SYN3: variants seen among roughly 807,000 people sequenced by gnomAD.
The protein encoded by SYN3 is synapsin III, also known as synapsin-3.
A neutral mutation model predicts 65.8 loss-of-function variants in SYN3; 35 were observed. That is an observed-to-expected ratio of 0.53 (90% confidence interval 0.41 to 0.70). The LOEUF is 0.70. Among genes scored for constraint, SYN3 ranks in the 30% least tolerant of loss-of-function variants. The pLI is 0.00. For synonymous variants in SYN3, 270 were observed against 292.9 expected, an observed-to-expected ratio of 0.92 and a Z score of 0.80; for missense variants, 680 against 749.0, an observed-to-expected ratio of 0.91 and a Z score of 1.08.
chr22:33,029,605 G>T (rs1416399511), intron 1 of SYN3, among the ~76,000 whole-genome samples: 2 of 152,184 alleles, frequency 1.3e-5, no homozygotes, highest in Non-Finnish European at 2.9e-5. Context: ...AGGTAGGTGT[G>T]CTGGTATTAC....
rs1012679320 is a variant in SYN3 at position 32,542,078 on chromosome 22, G to A, written c.775-365C>T. 2.6e-5 allele frequency among the ~76,000 whole-genome samples: 4 copies of A among 152,318 alleles called. 1 individual carries two copies. The highest frequency in any genetic ancestry group is 4.1e-4 in the South Asian group (2 of 4,832). ...GCACAGACTCGCTGATGGGGGATGC[G>A]GCACGGGCCATGGGGGAACAGACTG... On this transcript the variant is annotated intron_variant, in intron 7 of 13. Coordinates refer to ENST00000358763, the MANE Select transcript of SYN3 (RefSeq NM_003490.4).
intron 2 of SYN3, among the ~76,000 whole-genome samples, chr22:32,981,666 T>A (rs1167642362): frequency 6.6e-6 from 1 of 152,042 alleles, no homozygotes; most frequent in Non-Finnish European, 1.5e-5. Flanking sequence ...AGAAAAAGGA[T>A]CCCACATAAA....
chr22:32,807,372 A>T (rs1375889482), intron 6 of SYN3, among the ~76,000 whole-genome samples: 1 of 111,720 alleles, frequency 9.0e-6, no homozygotes, highest in African/African-American at 3.8e-5. Flanking sequence ...AATATATATT[A>T]TATATAATAT....
chr22:32,869,244 T>A, intron 4 of SYN3, 119 bp from the exon 5 acceptor site: 1 of 1,025,038 alleles, frequency 9.8e-7, no homozygotes, highest in Non-Finnish European at 1.4e-6. Flanking sequence ...AGTTCAGAAG[T>A]GGGAGCAGGT....
At chr22:32,751,471 G>A (rs1490987804) in intron 6 of SYN3, among the ~76,000 whole-genome samples, 1 of 152,196 alleles carries the variant, frequency 6.6e-6, no homozygotes, top group Non-Finnish European at 1.5e-5. Flanking sequence ...GGTGCGGGTG[G>A]TCATGGGAGA....
At chr22:32,628,930 TGTTGG>T (rs1239849581) in intron 6 of SYN3, among the ~76,000 whole-genome samples, 1 of 152,152 alleles carries the variant, frequency 6.6e-6, no homozygotes, top group Admixed American at 6.5e-5. Context: ...CCAGGTGCCC[TGTTGG>T]GCTCTTTAGG....
intron 6 of SYN3, among the ~76,000 whole-genome samples, chr22:32,835,508 GTTTTT>G (rs2047705446): frequency 6.6e-6 from 1 of 152,078 alleles, no homozygotes; most frequent in Non-Finnish European, 1.5e-5. Context: ...GTGAGGAAGT[GTTTTT>G]TGATTTTAAA....
At chr22:32,994,925 A>G (rs116555170) in intron 2 of SYN3, among the ~76,000 whole-genome samples, 206 of 152,250 alleles carry the variant, frequency 1.4e-3, no homozygotes, top group African/African-American at 4.8e-3. Flanking sequence ...AGCTCCACCC[A>G]TGTCATTATC....
At chr22:32,656,034 T>C (rs1157809165) in intron 6 of SYN3, among the ~76,000 whole-genome samples, 1 of 152,196 alleles carries the variant, frequency 6.6e-6, no homozygotes, top group Non-Finnish European at 1.5e-5. Context: ...AGGATTATTG[T>C]GAAAATGAGA....
intron 4 of SYN3, among the ~76,000 whole-genome samples, chr22:32,904,165 C>T (rs2049838962): frequency 6.6e-6 from 1 of 152,206 alleles, no homozygotes; most frequent in African/African-American, 2.4e-5. Flanking sequence ...AGCTTGTTTC[C>T]TTTTCCACCT....
intron 1 of SYN3, among the ~76,000 whole-genome samples, chr22:33,036,678 C>CTTTTTTT (rs133977): frequency 7.0e-5 from 7 of 99,538 alleles, no homozygotes; most frequent in African/African-American, 2.3e-4. Context: ...AGCCCAAGTT[C>CTTTTTTT]TTTTTTTTTT....
chr22:32,971,548 T>C (rs2052020081), intron 3 of SYN3, among the ~76,000 whole-genome samples: 1 of 151,926 alleles, frequency 6.6e-6, no homozygotes, highest in African/African-American at 2.4e-5. Flanking sequence ...AATAGGAAGA[T>C]CAAATTATGG....
chr22:32,518,207 T>G lies in SYN3; in HGVS notation c.1446A>C (p.Pro482=). 1 of 1,613,982 alleles carries G rather than the reference T, an allele frequency of 6.2e-7. No individual in the cohort carries two copies. The highest frequency in any genetic ancestry group is 1.3e-5 in the African/African-American group (1 of 75,018). Residue 482 remains proline (P), a synonymous_variant, in exon 13 of 14, where the codon CCA becomes CCC. Transcript: ENST00000358763. ...ATGCCCGGGATAGCTGCGGAGAGCC[T>G]GGTGACCTTTGCTGCTGTGGAGATC... ...QSGSPQQQRS[P]GSPQLSRASS...
chr22:32,770,706 G>A (rs887775945), intron 6 of SYN3, among the ~76,000 whole-genome samples: 4 of 152,060 alleles, frequency 2.6e-5, no homozygotes, highest in Non-Finnish European at 5.9e-5. Flanking sequence ...ATTAATAGGT[G>A]TAAGGCCCTG....
chr22:32,772,625 C>T (rs910100425), intron 6 of SYN3, among the ~76,000 whole-genome samples: 7 of 152,178 alleles, frequency 4.6e-5, no homozygotes, highest in Admixed American at 2.6e-4. Context: ...AGGAGATTAT[C>T]CAGAATCATC....
intron 6 of SYN3, among the ~76,000 whole-genome samples, chr22:32,777,858 T>C (rs891974571): frequency 1.3e-5 from 2 of 152,212 alleles, no homozygotes; most frequent in African/African-American, 4.8e-5. Context: ...ATCCATGAAT[T>C]CATGGATTTA....
At chr22:33,050,130 T>A (rs1217891074) in intron 1 of SYN3, among the ~76,000 whole-genome samples, 3 of 151,970 alleles carry the variant, frequency 2.0e-5, no homozygotes, top group African/African-American at 7.2e-5. Context: ...TGTCAACTCA[T>A]CAAGTGACAT....
At chr22:32,985,881 G>C (rs2052510942) in intron 2 of SYN3, among the ~76,000 whole-genome samples, 1 of 152,000 alleles carries the variant, frequency 6.6e-6, no homozygotes, top group Non-Finnish European at 1.5e-5. Flanking sequence ...TCCTATGAGT[G>C]ATATCTACTC....
intron 1 of SYN3, among the ~76,000 whole-genome samples, chr22:33,042,263 G>A (rs1207554140): frequency 6.6e-6 from 1 of 152,134 alleles, no homozygotes; most frequent in Non-Finnish European, 1.5e-5. Flanking sequence ...AGCCCAAACT[G>A]ACTAAGAGCC....
Sources: allele counts gnomAD v4.1 joint callset (sites outside exome capture counted in the v4.1 genomes callset), GRCh38; gene constraint gnomAD v4.1.1; transcripts MANE v1.5; gene names NCBI Gene and HGNC (gene_info 2026-07-23, HGNC 2026-07-21).